Variants in CSMD1 observed in about 807,000 individuals in gnomAD.
CSMD1 encodes the protein CUB and sushi domain-containing protein 1.
A neutral mutation model predicts 417.5 loss-of-function variants in CSMD1; 213 were observed. The ratio of observed to expected loss-of-function variants is 0.51; its 90% CI spans 0.46 to 0.57. The LOEUF (loss-of-function observed/expected upper bound fraction) is 0.57, where lower values mean the gene tolerates loss of function less well. Ranked by LOEUF, CSMD1 falls within the 20% of genes least tolerant of loss-of-function variation. The probability of loss-of-function intolerance (pLI) is 0.00; values close to 1 mark genes in which losing one functional copy is unlikely to be tolerated. For missense variants in CSMD1, 6,923 were observed against 4,529.7 expected, an observed-to-expected ratio of 1.53 and a Z score of -15.17; for synonymous variants, 2,862 against 1,736.8, an observed-to-expected ratio of 1.65 and a Z score of -16.11.
At chr8:4,652,580 A>T (rs994913169) in intron 1 of CSMD1, among the ~76,000 whole-genome samples, 1 of 151,894 alleles carries the variant, frequency 6.6e-6, no homozygotes, top group Non-Finnish European at 1.5e-5. Flanking sequence ...TGAACCCGGG[A>T]GGCAGAGGTT....
intron 5 of CSMD1, among the ~76,000 whole-genome samples, chr8:3,854,056 ATAT>A (rs1270916513): frequency 3.4e-4 from 50 of 146,392 alleles, no homozygotes; most frequent in African/African-American, 1.0e-3. Flanking sequence ...AAGTATATGT[ATAT>A]TATATTTAGC....
At chr8:3,827,467 T>G (rs1395388500) in intron 5 of CSMD1, among the ~76,000 whole-genome samples, 1 of 152,222 alleles carries the variant, frequency 6.6e-6, no homozygotes, top group Non-Finnish European at 1.5e-5. Flanking sequence ...AAAACCTGTG[T>G]GGTCTTTCAC....
chr8:3,624,422 C>G (rs1452148562), intron 7 of CSMD1, among the ~76,000 whole-genome samples: 1 of 152,052 alleles, frequency 6.6e-6, no homozygotes, highest in Non-Finnish European at 1.5e-5. Context: ...ATAAATAAAC[C>G]AATATAAGAG....
chr8:4,798,233 G>A (rs949426840), intron 1 of CSMD1, among the ~76,000 whole-genome samples: 6 of 151,986 alleles, frequency 3.9e-5, no homozygotes, highest in Non-Finnish European at 4.4e-5. Flanking sequence ...TCATTGTTCA[G>A]TTCCCACCTA....
At chr8:4,679,354 A>G (rs1409735956) in intron 1 of CSMD1, among the ~76,000 whole-genome samples, 1 of 152,196 alleles carries the variant, frequency 6.6e-6, no homozygotes, top group Non-Finnish European at 1.5e-5. Flanking sequence ...TGAAATATTA[A>G]ACATTTTTTA....
At chr8:4,926,735 A>G (rs959790897) in intron 1 of CSMD1, among the ~76,000 whole-genome samples, 8 of 152,102 alleles carry the variant, frequency 5.3e-5, no homozygotes, top group Non-Finnish European at 1.2e-4. Context: ...TACAATCTAT[A>G]CTGTGACTTA....
At chr8:3,504,110 C>G (rs945569424) in intron 10 of CSMD1, among the ~76,000 whole-genome samples, 6 of 152,042 alleles carry the variant, frequency 3.9e-5, no homozygotes, top group African/African-American at 1.2e-4. Context: ...GTCTCCAACA[C>G]AAAGAAATGA....
At chr8:3,249,072 C>T (rs959144437) in intron 26 of CSMD1, among the ~76,000 whole-genome samples, 2 of 152,102 alleles carry the variant, frequency 1.3e-5, no homozygotes, top group Admixed American at 1.3e-4. Context: ...ACAGTGGGTT[C>T]TCAAAAAATG....
At chr8:4,790,136 T>G (rs1168514260) in intron 1 of CSMD1, among the ~76,000 whole-genome samples, 3 of 152,120 alleles carry the variant, frequency 2.0e-5, no homozygotes, top group Non-Finnish European at 4.4e-5. Flanking sequence ...TCAGTTCCTT[T>G]GGACAAACAA....
intron 1 of CSMD1, among the ~76,000 whole-genome samples, chr8:4,729,246 G>A (rs191155434): frequency 5.9e-5 from 9 of 152,230 alleles, no homozygotes; most frequent in African/African-American, 1.7e-4. Flanking sequence ...TTATGCTGAC[G>A]AGGAAAGAAA....
chr8:4,456,140 G>A (rs565745147), intron 2 of CSMD1, among the ~76,000 whole-genome samples: 1 of 150,766 alleles, frequency 6.6e-6, no homozygotes, highest in South Asian at 2.1e-4. Context: ...AATGCTGAGA[G>A]GGTTAACAGA....
At chr8:3,796,500 T>C (rs1340342934) in intron 5 of CSMD1, among the ~76,000 whole-genome samples, 2 of 144,072 alleles carry the variant, frequency 1.4e-5, no homozygotes, top group African/African-American at 2.5e-5. Context: ...TGTATAGATA[T>C]AGATATATAT....
At position 3,119,733 on chromosome 8, in the gene CSMD1, T is replaced by C. The variant is rs188581573; in HGVS notation, c.6242-1146A>G. 2.4e-4 allele frequency among the ~76,000 whole-genome samples: 37 copies of C among 152,300 alleles called. No homozygotes were observed. The East Asian group carries it at 6.6e-3, about 27-fold the overall frequency. On this transcript the variant is annotated intron_variant, in intron 41 of 69. Transcript: ENST00000635120. ...GAATATTTAGGCACACCTTTGTCCATAAAGGCAGTTCCCATGAGACTGGGA... is the reference window on the plus strand; with the variant it reads ...GAATATTTAGGCACACCTTTGTCCACAAAGGCAGTTCCCATGAGACTGGGA...
At chr8:4,306,597 G>A (rs569746563) in intron 3 of CSMD1, among the ~76,000 whole-genome samples, 1 of 152,110 alleles carries the variant, frequency 6.6e-6, no homozygotes, top group Non-Finnish European at 1.5e-5. Flanking sequence ...GCATCCTGAT[G>A]CTTTCCTTCT....
intron 54 of CSMD1, among the ~76,000 whole-genome samples, chr8:2,990,273 T>C (rs939744142): frequency 2.0e-5 from 3 of 152,228 alleles, no homozygotes; most frequent in Non-Finnish European, 2.9e-5. Context: ...TAGTTTCTTG[T>C]AGATGTGCGG....
intron 3 of CSMD1, among the ~76,000 whole-genome samples, chr8:4,338,106 G>T (rs973217484): frequency 1.3e-5 from 2 of 152,088 alleles, no homozygotes; most frequent in African/African-American, 4.8e-5. Context: ...TAACTTTGGT[G>T]TACAATTAAT....
chr8:4,841,647 A>G (rs1376811916), intron 1 of CSMD1, among the ~76,000 whole-genome samples: 1 of 152,168 alleles, frequency 6.6e-6, no homozygotes, highest in Non-Finnish European at 1.5e-5. Flanking sequence ...GCGGTGGCTC[A>G]CGCCTGTAAT....
chr8:4,204,026 A>C (rs1799826405), intron 3 of CSMD1, among the ~76,000 whole-genome samples: 1 of 152,160 alleles, frequency 6.6e-6, no homozygotes, highest in South Asian at 2.1e-4. Context: ...ACTTGAGCCC[A>C]GTGGGCAGAA....
chr8:3,927,653 A>G (rs1425278201), intron 5 of CSMD1, among the ~76,000 whole-genome samples: 4 of 152,152 alleles, frequency 2.6e-5, no homozygotes, highest in African/African-American at 9.7e-5. Flanking sequence ...CGAAAGAGTG[A>G]AACAAGTGAA....
Sources: gnomAD v4.1 joint callset for allele counts (sites outside exome capture counted in the v4.1 genomes callset) on GRCh38, gnomAD v4.1.1 for gene constraint, MANE v1.5 for transcripts, NCBI Gene and HGNC (gene_info 2026-07-23, HGNC 2026-07-21) for gene names.